The following MBNL2 variants were observed in gnomAD, a reference collection of about 807,000 sequenced individuals.
MBNL2 encodes the protein muscleblind-like protein 2.
A neutral mutation model predicts 41.9 loss-of-function variants in MBNL2; 17 were observed. That is an observed-to-expected ratio of 0.41 (90% CI 0.28 to 0.61). MBNL2 has a LOEUF of 0.61. MBNL2 is among the 20% of genes least tolerant of loss of function. The pLI, the probability that MBNL2 is intolerant of heterozygous loss-of-function variation, is 0.35. For missense variants in MBNL2, 336 were observed against 505.6 expected (o/e 0.66, Z 3.22); for synonymous variants, 195 against 182.9 (o/e 1.07, Z -0.53).
chr13:97,268,424 T>A lies in MBNL2; in HGVS notation c.-604-7208T>A, dbSNP rs145673436. On this transcript the variant is annotated intron_variant, in intron 1 of 8. Coordinates refer to ENST00000679496, the MANE Select transcript of MBNL2 (RefSeq NM_001382683.1). This position sits in a 1 kb window ranked among gnomAD's most constrained non-coding sequence, Gnocchi z 4.6. Reference sequence around the variant, plus strand: ...CCGAGAGTGTGCATTCCTAACAAGATCCCAGCGGATGCTGCTGCTGCTGGC... The same window carrying A: ...CCGAGAGTGTGCATTCCTAACAAGAACCCAGCGGATGCTGCTGCTGCTGGC... Among the ~76,000 whole-genome samples, 5 of 152,162 alleles carry A rather than the reference T, an allele frequency of 3.3e-5. No homozygotes were observed. In the East Asian group the frequency reaches 9.7e-4, roughly 29 times the overall value.
chr13:97,279,272 A>T (rs918827942), intron 2 of MBNL2, among the ~76,000 whole-genome samples: 2 of 152,224 alleles, frequency 1.3e-5, no homozygotes, highest in African/African-American at 4.8e-5. Flanking sequence ...GCTGGGACCT[A>T]GGCAAGCTTC....
At chr13:97,218,442 A>AACAAACAAC, upstream of MBNL2, among the ~76,000 whole-genome samples, 1 of 145,696 alleles carries the variant, frequency 6.9e-6, no homozygotes, top group Non-Finnish European at 1.5e-5. Context: ...AAACAAAACA[A>AACAAACAAC]AAAAAAAAAA....
At chr13:97,212,955 T>C in the MBNL2 span, among the ~76,000 whole-genome samples, 1 of 152,094 alleles carries the variant, frequency 6.6e-6, no homozygotes, top group Non-Finnish European at 1.5e-5. Flanking sequence ...GGCCCTCTAC[T>C]GGTCAGAAAA....
chr13:97,344,391 G>A (rs902892902), intron 4 of MBNL2, among the ~76,000 whole-genome samples: 1 of 152,212 alleles, frequency 6.6e-6, no homozygotes, highest in Non-Finnish European at 1.5e-5. Flanking sequence ...GATTAAAGGT[G>A]TTAGGTGATG....
At position 97,366,706 on chromosome 13, in the gene MBNL2, T is replaced by C. The variant is rs2063871491; in HGVS notation, c.1048+1535T>C. 1 of 695,660 alleles carries C rather than the reference T, an allele frequency of 1.4e-6. No homozygotes were observed. The allele number at this position is 695,660 out of a possible 1,614,324, so 43.1% of individuals were successfully genotyped here. The stretch of plus-strand genomic sequence containing the variant: ...TTTATAGCAAGCATTTACAGACAGG[T>C]TGCACTTATTTAGAGTTAACATTTA... On this transcript the variant is annotated intron_variant, in intron 8 of 8. Transcript: ENST00000679496. This position sits in a 1 kb window ranked among gnomAD's most constrained non-coding sequence, Gnocchi z 4.7.
intron 2 of MBNL2, among the ~76,000 whole-genome samples, chr13:97,317,459 C>A (rs1300655802): frequency 6.6e-6 from 1 of 152,216 alleles, no homozygotes; most frequent in Non-Finnish European, 1.5e-5. Context: ...CCCTACTGTT[C>A]CTAGGGAAAA....
intron 2 of MBNL2, among the ~76,000 whole-genome samples, chr13:97,316,858 C>T (rs1226750024): frequency 2.0e-5 from 3 of 152,220 alleles, no homozygotes; most frequent in Non-Finnish European, 4.4e-5. Flanking sequence ...TCTGTCTCCC[C>T]TAACTAGAAG....
chr13:97,385,090 T>C (rs1426514503), intron 8 of MBNL2, among the ~76,000 whole-genome samples: 1 of 152,236 alleles, frequency 6.6e-6, no homozygotes, highest in Non-Finnish European at 1.5e-5. Context: ...ATGAATGGTC[T>C]GGTGGTCTTC....
At chr13:97,370,695 A>AGAAG (rs2064287259) in intron 8 of MBNL2, among the ~76,000 whole-genome samples, 1 of 152,032 alleles carries the variant, frequency 6.6e-6, no homozygotes, top group Non-Finnish European at 1.5e-5. Flanking sequence ...AAAGAAAGAA[A>AGAAG]GAAACCATAT....
intron 2 of MBNL2, among the ~76,000 whole-genome samples, chr13:97,317,241 TA>T (rs1411307220): frequency 6.6e-6 from 1 of 152,162 alleles, no homozygotes; most frequent in African/African-American, 2.4e-5. Flanking sequence ...CCGGGGATCA[TA>T]TGCTTTTCGC....
chr13:97,222,483 A>AT lies in MBNL2; in HGVS notation c.-652dup. 1 of 398,670 alleles carries AT rather than the reference A, an allele frequency of 2.5e-6. No homozygotes were observed. The highest frequency in any genetic ancestry group is 4.4e-6 in the Non-Finnish European group (1 of 226,084). 24.7% of individuals were successfully genotyped at this position (398,670 alleles called of 1,614,324 possible). A position where few individuals can be genotyped will look rare whatever the true frequency, so the allele number is the denominator to read the frequency against. On this transcript the variant is annotated 5_prime_UTR_variant, in exon 1 of 9. An upstream start codon of the reference 5' UTR is lost. Transcript: ENST00000679496. ...AGCCTCGGCCACTTGGTTCTGCCAGATGTTCCTGGGGTTACTGTAAATGGG... is the reference window on the plus strand; with the variant it reads ...AGCCTCGGCCACTTGGTTCTGCCAGATTGTTCCTGGGGTTACTGTAAATGGG...
chr13:97,279,258 CCTGG>C (rs2052847259), intron 2 of MBNL2, among the ~76,000 whole-genome samples: 1 of 152,184 alleles, frequency 6.6e-6, no homozygotes, highest in Admixed American at 6.5e-5. Flanking sequence ...CTTGACTAAG[CCTGG>C]CTGGGACCTA....
rs1234512814 is a variant in MBNL2, at chr13:97,393,347, A to G, written c.*1898A>G. On this transcript the variant is annotated 3_prime_UTR_variant, in exon 9 of 9. Coordinates refer to ENST00000679496, the MANE Select transcript of MBNL2 (RefSeq NM_001382683.1). ...CATTACTAAAAGGTAAATTATGGGA[A>G]TCACTGAAATATTTTTGTAGATTAA... The G allele has an allele frequency of 6.6e-6, 1 of 152,342 alleles. No individual in the cohort carries two copies. Among genetic ancestry groups the G allele is most frequent in the Non-Finnish European group, 1.5e-5 (1 of 67,932 alleles). The allele number at this position is 152,342 out of a possible 1,614,324, so 9.4% of individuals were successfully genotyped here.
intron 8 of MBNL2, among the ~76,000 whole-genome samples, chr13:97,385,570 C>T (rs1343703983): frequency 6.6e-6 from 1 of 152,110 alleles, no homozygotes; most frequent in African/African-American, 2.4e-5. Context: ...CAGTTCTTAC[C>T]AAATTTAATA....
Position 97,317,500 on chromosome 13 carries a change from A to C in MBNL2, c.175-16776A>C, listed in dbSNP as rs558953608. On this transcript the variant is annotated intron_variant, in intron 2 of 8. Transcript: ENST00000679496. Reference sequence around the variant, plus strand: ...TCATCTGGGGCTTTAGTCTTTTGCCATAAGCAAAGCATTGATATGTGCCTA... The same window carrying C: ...TCATCTGGGGCTTTAGTCTTTTGCCCTAAGCAAAGCATTGATATGTGCCTA... Among the ~76,000 whole-genome samples the C allele has an allele frequency of 3.3e-5, 5 of 152,318 alleles. No homozygotes were observed. In the East Asian group the frequency reaches 9.6e-4, roughly 29 times the overall value.
the MBNL2 span, among the ~76,000 whole-genome samples, chr13:97,181,249 T>A: frequency 6.6e-6 from 1 of 152,192 alleles, no homozygotes; most frequent in Non-Finnish European, 1.5e-5. Context: ...TAATCACATC[T>A]TAATTTAACC....
the MBNL2 span, among the ~76,000 whole-genome samples, chr13:97,177,841 T>C: frequency 2.0e-5 from 3 of 152,326 alleles, no homozygotes; most frequent in East Asian, 5.8e-4. Flanking sequence ...AATTCTCAAT[T>C]ACAGTATTGA....
the MBNL2 span, among the ~76,000 whole-genome samples, chr13:97,156,657 T>C: frequency 6.9e-6 from 1 of 145,342 alleles, no homozygotes; most frequent in Non-Finnish European, 1.5e-5. Flanking sequence ...TAGGGAATCC[T>C]TTCCCCATTG....
rs199878294 is a variant in MBNL2, at chr13:97,357,625, C to T, written c.1002C>T (p.Phe334=). 1.0e-4 allele frequency: 167 copies of T among 1,613,902 alleles called. No individual in the cohort carries two copies. Among genetic ancestry groups the T allele is most frequent in the Non-Finnish European group, 1.4e-4 (164 of 1,179,988 alleles). ...CACAGTTGCAGCAACACGCCGCGTT[C>T]ATTCCAACAGGTATGTGCCCTTACT... ...TSAQLQQHAA[F]IPTGSVLCMT... is the part of the protein sequence containing the mutation. Residue 334 remains phenylalanine (F), a synonymous_variant, in exon 7 of 9, where the codon TTC becomes TTT. Transcript: ENST00000679496.
Sources: allele counts gnomAD v4.1 joint callset (sites outside exome capture counted in the v4.1 genomes callset), GRCh38; gene constraint gnomAD v4.1.1; non-coding constraint Gnocchi (gnomAD v3.1); transcripts MANE v1.5; gene names NCBI Gene and HGNC (gene_info 2026-07-23, HGNC 2026-07-21).